The following ATP13A3 variants were observed in gnomAD, a reference collection of about 807,000 sequenced individuals.
ATP13A3 encodes the protein ATPase 13A3, also known as polyamine-transporting ATPase 13A3.
In ATP13A3, 59 loss-of-function variants were observed where a neutral mutation model predicts 158.1. The ratio of observed to expected loss-of-function variants is 0.37; its 90% CI spans 0.30 to 0.46. The LOEUF (loss-of-function observed/expected upper bound fraction) is 0.46. ATP13A3 is among the 20% of genes least tolerant of loss of function. ATP13A3 has a pLI of 1.00. For synonymous variants in ATP13A3, 491 were observed against 504.3 expected (o/e 0.97, Z 0.35); for missense variants, 1,166 against 1,525.2 (o/e 0.76, Z 3.92).
chr3:194,453,280 T>TA (rs35230118), intron 10 of ATP13A3, among the ~76,000 whole-genome samples: 6,707 of 100,762 alleles, frequency 0.067, 268 homozygotes, highest in Middle Eastern at 0.1. Flanking sequence ...ACATCGACTT[T>TA]AAAAAAAAAA....
At chr3:194,418,676 A>T (rs1240560597) in intron 31 of ATP13A3, among the ~76,000 whole-genome samples, 1 of 152,246 alleles carries the variant, frequency 6.6e-6, no homozygotes, top group Non-Finnish European at 1.5e-5. Flanking sequence ...AAACAACAGG[A>T]TGTCAAACAC....
At chr3:194,482,488 T>A (rs1473593390) in intron 2 of ATP13A3, among the ~76,000 whole-genome samples, 2 of 152,206 alleles carry the variant, frequency 1.3e-5, no homozygotes, top group Non-Finnish European at 2.9e-5. Context: ...AAATATCTAC[T>A]TTTCTCCAGA....
rs1297835109 is a variant in ATP13A3 at position 194,459,454 on chromosome 3, A to C, written c.479+17T>G. The C allele has an allele frequency of 6.7e-7, 1 of 1,491,784 alleles. No homozygotes were observed. The highest frequency in any genetic ancestry group is 1.4e-5 in the African/African-American group (1 of 72,256). The allele number at this position is 1,491,784 out of a possible 1,614,324, so 92.4% of individuals were successfully genotyped here. On this transcript the variant is annotated intron_variant, in intron 6 of 33. Transcript: ENST00000645319. ...AGGATATTCAAAATACAATCCAAAC[A>C]AAAGGAAGATACTTACTTTAAGAAA...
intron 33 of ATP13A3, 89 bp downstream of exon 33, chr3:194,412,110 C>T (rs1715481551): frequency 2.8e-6 from 3 of 1,078,246 alleles, no homozygotes; most frequent in Non-Finnish European, 4.1e-6. Context: ...TAACACATAA[C>T]AGAACAAGAA....
At chr3:194,476,624 C>T (rs1408851233) in intron 2 of ATP13A3, among the ~76,000 whole-genome samples, 1 of 152,182 alleles carries the variant, frequency 6.6e-6, no homozygotes, top group African/African-American at 2.4e-5. Context: ...TGATTCAGGT[C>T]CTGAGCCCTC....
rs1274288346 is a variant in ATP13A3, at chr3:194,481,243, A to C, written c.-47+4551T>G. ...AAATGGAAAAAAAAAAAAACAGAGCAACAGGGATGCTATGAAGAAACCACC... is the reference window on the plus strand; with the variant it reads ...AAATGGAAAAAAAAAAAAACAGAGCCACAGGGATGCTATGAAGAAACCACC... On this transcript the variant is annotated intron_variant, in intron 2 of 33. Coordinates refer to ENST00000645319, the MANE Select transcript of ATP13A3 (RefSeq NM_001367549.1). Among the ~76,000 whole-genome samples the C allele has an allele frequency of 2.6e-5, 4 of 151,896 alleles. No individual in the cohort carries two copies. In the South Asian group the frequency reaches 8.3e-4, roughly 32 times the overall value.
chr3:194,444,891 C>G, intron 14 of ATP13A3, 105 bp from the exon 15 acceptor site: 1 of 805,858 alleles, frequency 1.2e-6, no homozygotes, highest in East Asian at 2.6e-5. Flanking sequence ...AACTATGCTA[C>G]ATATAACATA....
intron 31 of ATP13A3, among the ~76,000 whole-genome samples, chr3:194,419,568 A>G (rs76290756): frequency 0.028 from 4,257 of 152,276 alleles, 211 homozygotes; most frequent in African/African-American, 0.099. Context: ...GAGCATGTGT[A>G]GACTACTCAA....
At chr3:194,485,251 G>T (rs1437989203) in intron 2 of ATP13A3, among the ~76,000 whole-genome samples, 1 of 152,074 alleles carries the variant, frequency 6.6e-6, no homozygotes, top group African/African-American at 2.4e-5. Flanking sequence ...ATTAATAATA[G>T]GTTTACTACT....
rs762743528 is a variant in ATP13A3, at chr3:194,444,821, G to T, written c.1498-35C>A. 10 of 1,530,530 alleles carry T rather than the reference G, an allele frequency of 6.5e-6. No individual in the cohort carries two copies. In the South Asian group the frequency reaches 1.1e-4, roughly 17 times the overall value. The allele number at this position is 1,530,530 out of a possible 1,614,324, so 94.8% of individuals were successfully genotyped here. A position where few individuals can be genotyped will look rare whatever the true frequency, so the allele number is the denominator to read the frequency against. ...AAAAAAGCACACATGCACAAAGTAT[G>T]GATGATGCCTCAAAAAAAAACCCAA... On this transcript the variant is annotated intron_variant, in intron 14 of 33. Coordinates refer to ENST00000645319, the MANE Select transcript of ATP13A3 (RefSeq NM_001367549.1).
intron 6 of ATP13A3, 113 bp downstream of exon 6, chr3:194,459,356 TAG>T: frequency 1.3e-6 from 1 of 751,844 alleles, no homozygotes; most frequent in Admixed American, 2.8e-5. Context: ...AATACGTGAA[TAG>T]AAATTATAAA....
In ATP13A3 at chr3:194,432,013, T is replaced by C. The variant is rs142173747; in HGVS notation, c.2246-121A>G. 1.1e-3 allele frequency: 835 copies of C among 781,242 alleles called. 6 individuals carry two copies. The African/African-American group carries it at 0.014, about 13-fold the overall frequency. 48.4% of individuals were successfully genotyped at this position (781,242 alleles called of 1,614,324 possible). A position where few individuals can be genotyped will look rare whatever the true frequency, so the allele number is the denominator to read the frequency against. On this transcript the variant is annotated intron_variant, in intron 21 of 33. Transcript: ENST00000645319. ...CTGGGCTGGCAGAGTAACGATAATG[T>C]ATGGTTCTTCCACTTACAGTTTAAA...
At chr3:194,460,950 G>A in intron 3 of ATP13A3, 119 bp from the exon 4 acceptor site, 1 of 1,077,638 alleles carries the variant, frequency 9.3e-7, no homozygotes, top group Non-Finnish European at 1.3e-6. Flanking sequence ...CACATAAACT[G>A]TAAATATTTT....
chr3:194,468,392 A>AAAAAAAAAAC (rs1553807510), intron 2 of ATP13A3, among the ~76,000 whole-genome samples: 2,074 of 149,632 alleles, frequency 0.014, 67 homozygotes, highest in African/African-American at 0.051. Flanking sequence ...AGTTTAAAAA[A>AAAAAAAAAAC]AAAAAAAAAA....
At chr3:194,444,502 G>T (rs1207506612) in intron 15 of ATP13A3, among the ~76,000 whole-genome samples, 1 of 152,110 alleles carries the variant, frequency 6.6e-6, no homozygotes, top group Non-Finnish European at 1.5e-5. Context: ...AATAATTTCA[G>T]AATGGCAGTA....
At position 194,437,557 on chromosome 3, in the gene ATP13A3, G is replaced by C; in HGVS notation, c.1844C>G (p.Pro615Arg). The part of the protein sequence containing the change: ...GNQEMELFEL[P>R]ATYEIGIVRQ... ...AAGAAGTAAACATTCTTCACTTACT[G>C]GAAGTTCAAACAGCTCCTAAAAACG... Residue 615 changes from proline to arginine, a missense_variant and splice_region_variant, in exon 18 of 34, where the codon CCA becomes CGA. Coordinates refer to ENST00000645319, the MANE Select transcript of ATP13A3 (RefSeq NM_001367549.1). 6.2e-7 allele frequency: 1 copy of C among 1,609,034 alleles called. No individual in the cohort carries two copies. The highest frequency in any genetic ancestry group is 1.7e-4 in the Middle Eastern group (1 of 5,980).
intron 20 of ATP13A3, 124 bp downstream of exon 20, chr3:194,436,971 A>G: frequency 8.0e-7 from 1 of 1,242,536 alleles, no homozygotes; most frequent in African/African-American, 1.5e-5. Flanking sequence ...CACCTAAAAC[A>G]ATATTATATT....
At chr3:194,489,684 A>T (rs550631384), upstream of ATP13A3, among the ~76,000 whole-genome samples, 15 of 152,338 alleles carry the variant, frequency 9.8e-5, no homozygotes, top group Admixed American at 2.0e-4. The surrounding 1 kb of genome is among the most constrained non-coding windows in gnomAD (Gnocchi z 4.1). Flanking sequence ...GTAAGGCAAC[A>T]TACAGCCAGT....
At position 194,405,943 on chromosome 3, in the gene ATP13A3, T is replaced by C. The variant is rs747694721; in HGVS notation, c.3747A>G (p.Ser1249=). 3.1e-6 allele frequency: 5 copies of C among 1,614,156 alleles called. No homozygotes were observed. In the South Asian group the frequency reaches 3.3e-5, roughly 11 times the overall value. ...GCTATGTTATGGTGATGATTTGACA[T>C]GATCCATTCTCCTTAACTAAAGCTT... ...EAKALVKENG[S]CQIITIT is the part of the protein sequence containing the mutation. The change falls in exon 34 of 34, where the codon TCA becomes TCG. Residue 1249 remains serine, a synonymous_variant. Coordinates refer to ENST00000645319, the MANE Select transcript of ATP13A3 (RefSeq NM_001367549.1).
Sources: gnomAD v4.1 joint callset for allele counts (sites outside exome capture counted in the v4.1 genomes callset) on GRCh38, gnomAD v4.1.1 for gene constraint, Gnocchi (gnomAD v3.1) non-coding constraint, MANE v1.5 for transcripts, NCBI Gene and HGNC (gene_info 2026-07-23, HGNC 2026-07-21) for gene names.